The following RFTN2 variants were observed in gnomAD, a reference collection of about 807,000 sequenced individuals.
RFTN2 encodes the protein raftlin family member 2, also known as raftlin-2.
Under a neutral mutation model 52.7 loss-of-function variants are expected in RFTN2, and 34 were observed. That is an observed-to-expected ratio of 0.64 (90% CI 0.49 to 0.86). RFTN2 has a LOEUF of 0.86. RFTN2 is among the 40% of genes least tolerant of loss of function. The probability of loss-of-function intolerance (pLI) is 0.00; values close to 1 mark genes in which losing one functional copy is unlikely to be tolerated. For synonymous variants in RFTN2, 203 were observed against 217.7 expected, an observed-to-expected ratio of 0.93 and a Z score of 0.59; for missense variants, 536 against 600.1, an observed-to-expected ratio of 0.89 and a Z score of 1.12.
At chr2:197,635,275 T>C (rs2088546451) in intron 3 of RFTN2, among the ~76,000 whole-genome samples, 1 of 152,168 alleles carries the variant, frequency 6.6e-6, no homozygotes, top group South Asian at 2.1e-4. Context: ...CTGGGTCAAA[T>C]GGTATTTCTA....
chr2:197,596,430 A>G (rs531993701), intron 7 of RFTN2, among the ~76,000 whole-genome samples: 3 of 152,110 alleles, frequency 2.0e-5, no homozygotes, highest in Non-Finnish European at 4.4e-5. Context: ...ATCACTGCAC[A>G]TTTATATTTT....
chr2:197,632,020 T>C (rs1221077359), intron 4 of RFTN2, among the ~76,000 whole-genome samples: 1 of 152,194 alleles, frequency 6.6e-6, no homozygotes, highest in African/African-American at 2.4e-5. Context: ...GAGAAGTACA[T>C]ACTTTAAAAA....
chr2:197,659,151 A>G (rs764884171), intron 1 of RFTN2, among the ~76,000 whole-genome samples: 49 of 152,184 alleles, frequency 3.2e-4, no homozygotes, highest in Non-Finnish European at 6.5e-4. Flanking sequence ...CAAGACATAC[A>G]TATGTTCTTT....
intron 7 of RFTN2, among the ~76,000 whole-genome samples, chr2:197,609,193 C>A (rs2088014334): frequency 6.6e-6 from 1 of 152,170 alleles, no homozygotes; most frequent in Non-Finnish European, 1.5e-5. Flanking sequence ...ATTCTAGATC[C>A]TTGAGGAATC....
At position 197,659,763 on chromosome 2, in the gene RFTN2, G is replaced by C. The variant is rs1253215983; in HGVS notation, c.140-13097C>G. Among the ~76,000 whole-genome samples, 3 of 151,598 alleles carry C rather than the reference G, an allele frequency of 2.0e-5. No individual in the cohort carries two copies. The East Asian group carries it at 5.8e-4, about 29-fold the overall frequency. On this transcript the variant is annotated intron_variant, in intron 1 of 8. Transcript: ENST00000295049. Reference sequence around the variant, plus strand: ...ACCAGGGAGGCAGAGGCTGCAGTGAGCTGAGATCATGCCATTGCACTCCAG... The same window carrying C: ...ACCAGGGAGGCAGAGGCTGCAGTGACCTGAGATCATGCCATTGCACTCCAG...
At chr2:197,625,860 C>T (rs906778833) in intron 5 of RFTN2, among the ~76,000 whole-genome samples, 3 of 149,636 alleles carry the variant, frequency 2.0e-5, no homozygotes, top group Non-Finnish European at 3.0e-5. Flanking sequence ...GGTGTGATCT[C>T]GGCTCACTGC....
At position 197,629,696 on chromosome 2, in the gene RFTN2, A is replaced by ACACACACACACACACACACC. The variant is rs1325493901; in HGVS notation, c.928+1314_928+1315insGGTGTGTGTGTGTGTGTGTG. On this transcript the variant is annotated intron_variant, in intron 5 of 8. Coordinates refer to ENST00000295049, the MANE Select transcript of RFTN2 (RefSeq NM_144629.3). ...TTTATACACACACACACACACACAC[A>ACACACACACACACACACACC]CACATATTTATTTTATTTTATTTTA... Among the ~76,000 whole-genome samples the ACACACACACACACACACACC allele has an allele frequency of 3.5e-3, 476 of 134,664 alleles. 1 individual carries two copies. The highest frequency in any genetic ancestry group is 0.012 in the African/African-American group (457 of 38,800). The allele number at this position is 134,664 out of a possible 152,430, so 88.3% of individuals were successfully genotyped here. A position where few individuals can be genotyped will look rare whatever the true frequency, so the allele number is the denominator to read the frequency against.
intron 7 of RFTN2, among the ~76,000 whole-genome samples, chr2:197,614,561 A>G (rs2088111930): frequency 6.6e-6 from 1 of 152,154 alleles, no homozygotes; most frequent in Non-Finnish European, 1.5e-5. Context: ...CTAAAAGATC[A>G]CTGTAACACA....
At position 197,630,993 on chromosome 2, in the gene RFTN2, C is replaced by A. The variant is rs1426589306; in HGVS notation, c.928+18G>T. The A allele has an allele frequency of 3.4e-6, 5 of 1,490,492 alleles. No homozygotes were observed. 92.3% of individuals were successfully genotyped at this position (1,490,492 alleles called of 1,614,324 possible). A position where few individuals can be genotyped will look rare whatever the true frequency, so the allele number is the denominator to read the frequency against. ...TTCAAATTCCTCAGATATAAAATAT[C>A]ATTAACATAAAACTTACCTTTAGAT... On this transcript the variant is annotated intron_variant, in intron 5 of 8. Coordinates refer to ENST00000295049, the MANE Select transcript of RFTN2 (RefSeq NM_144629.3).
At position 197,570,977 on chromosome 2, in the gene RFTN2, T is replaced by TAA. The variant is rs2087307808; in HGVS notation, c.*1029_*1030dup. ...GAAAATCCTTTATTTTGTAGAATTT[T>TAA]AAAGATTGTTAAAGGCTGGGTCAAG... On this transcript the variant is annotated 3_prime_UTR_variant, in exon 9 of 9. Coordinates refer to ENST00000295049, the MANE Select transcript of RFTN2 (RefSeq NM_144629.3). 1 of 152,296 alleles carries TAA rather than the reference T, an allele frequency of 6.6e-6. No homozygotes were observed. The highest frequency in any genetic ancestry group is 2.1e-4 in the South Asian group (1 of 4,822). The allele number at this position is 152,296 out of a possible 1,614,324, so 9.4% of individuals were successfully genotyped here.
chr2:197,659,954 A>G (rs2088954816), intron 1 of RFTN2, among the ~76,000 whole-genome samples: 1 of 152,270 alleles, frequency 6.6e-6, no homozygotes, highest in Admixed American at 6.5e-5. Context: ...GTGCGAGCCA[A>G]TATGTGAAGT....
chr2:197,671,255 C>T (rs541582225), intron 1 of RFTN2, among the ~76,000 whole-genome samples: 2 of 152,354 alleles, frequency 1.3e-5, no homozygotes, highest in South Asian at 4.1e-4. Context: ...GCTCACTGCT[C>T]TGTTCACCAG....
At chr2:197,668,561 ACCTGCACCTGGCAGTAG>A (rs988908522) in intron 1 of RFTN2, among the ~76,000 whole-genome samples, 1 of 152,124 alleles carries the variant, frequency 6.6e-6, no homozygotes, top group African/African-American at 2.4e-5. Flanking sequence ...AGAGGCATGT[ACCTGCACCTGGCAGTAG>A]CCTGCACCTG....
At chr2:197,607,140 C>G (rs2087974771) in intron 7 of RFTN2, among the ~76,000 whole-genome samples, 1 of 152,194 alleles carries the variant, frequency 6.6e-6, no homozygotes, top group African/African-American at 2.4e-5. Context: ...TCATGGAATA[C>G]TATGCAGCCA....
intron 8 of RFTN2, among the ~76,000 whole-genome samples, chr2:197,578,450 A>G (rs141381503): frequency 1.3e-5 from 2 of 152,280 alleles, no homozygotes; most frequent in Non-Finnish European, 2.9e-5. Flanking sequence ...ATACATCCAG[A>G]TGGCCCAAAG....
intron 5 of RFTN2, 32 bp from the exon 6 acceptor site, chr2:197,617,953 T>G: frequency 6.5e-7 from 1 of 1,547,718 alleles, no homozygotes; most frequent in Non-Finnish European, 8.7e-7. Flanking sequence ...TAAGAAGGGT[T>G]GTAAATACTA....
chr2:197,596,857 C>T (rs1488915766), intron 7 of RFTN2, among the ~76,000 whole-genome samples: 3 of 152,170 alleles, frequency 2.0e-5, no homozygotes, highest in African/African-American at 4.8e-5. Flanking sequence ...GTCAGCTACT[C>T]AGTATTCTCC....
intron 5 of RFTN2, 171 bp from the exon 6 acceptor site, chr2:197,618,092 G>A (rs1340091881): frequency 3.5e-5 from 9 of 256,194 alleles, no homozygotes; most frequent in Non-Finnish European, 5.2e-5. Flanking sequence ...CTCTCCCCAC[G>A]GTCTCCCTCT....
At chr2:197,587,716 C>CA (rs2087624952) in intron 8 of RFTN2, among the ~76,000 whole-genome samples, 1 of 152,198 alleles carries the variant, frequency 6.6e-6, no homozygotes. Context: ...TTCACACAGA[C>CA]ACGTGTGACA....
Sources: allele counts gnomAD v4.1 joint callset (sites outside exome capture counted in the v4.1 genomes callset), GRCh38; gene constraint gnomAD v4.1.1; transcripts MANE v1.5; gene names NCBI Gene and HGNC (gene_info 2026-07-23, HGNC 2026-07-21).